The following FHOD3 variants were observed in gnomAD, a reference collection of about 807,000 sequenced individuals.
The protein encoded by FHOD3 is FH1/FH2 domain-containing protein 3.
FHOD3 carries 90 observed loss-of-function variants against 173.0 expected under a neutral mutation model. The observed-to-expected ratio is 0.52, with a 90% CI of 0.44 to 0.62. The LOEUF (loss-of-function observed/expected upper bound fraction) is 0.62, where lower values mean the gene tolerates loss of function less well. Among genes scored for constraint, FHOD3 ranks in the 20% least tolerant of loss-of-function variants. The probability of loss-of-function intolerance (pLI) is 0.00; values close to 1 mark genes in which losing one functional copy is unlikely to be tolerated. For synonymous variants in FHOD3, 828 were observed against 823.0 expected (o/e 1.01, Z -0.10); for missense variants, 1,945 against 2,034.7 (o/e 0.96, Z 0.85).
At chr18:36,365,223 T>G (rs1036633429) in intron 2 of FHOD3, among the ~76,000 whole-genome samples, 1 of 152,152 alleles carries the variant, frequency 6.6e-6, no homozygotes, top group African/African-American at 2.4e-5. Flanking sequence ...TTCCATGTCT[T>G]AGATATGACA....
chr18:36,595,381 C>T (rs559620026), intron 7 of FHOD3, among the ~76,000 whole-genome samples: 1 of 152,302 alleles, frequency 6.6e-6, no homozygotes, highest in East Asian at 1.9e-4. Flanking sequence ...AGTTCGGTCA[C>T]ATCCAAAACC....
At chr18:36,490,987 A>G (rs760006923) in intron 3 of FHOD3, among the ~76,000 whole-genome samples, 17 of 152,216 alleles carry the variant, frequency 1.1e-4, no homozygotes, top group Non-Finnish European at 2.5e-4. Context: ...ACACTTGCCC[A>G]TCAGCATGAA....
chr18:36,544,145 T>C (rs1288279313), intron 5 of FHOD3, among the ~76,000 whole-genome samples: 4 of 152,142 alleles, frequency 2.6e-5, no homozygotes, highest in Non-Finnish European at 4.4e-5. Context: ...AGTATCATCA[T>C]TGAATATTAG....
chr18:36,299,920 G>T (rs1444692317), intron 1 of FHOD3, among the ~76,000 whole-genome samples: 2 of 152,190 alleles, frequency 1.3e-5, no homozygotes, highest in South Asian at 2.1e-4. Flanking sequence ...ATTGATGAGG[G>T]TTCTGTAAAG....
chr18:36,725,556 C>T (rs768679902), intron 19 of FHOD3, among the ~76,000 whole-genome samples: 5 of 152,158 alleles, frequency 3.3e-5, no homozygotes, highest in Non-Finnish European at 5.9e-5. Context: ...TGTCTTGAGA[C>T]TCCAGGCAGC....
chr18:36,518,021 G>T (rs1291777978), intron 5 of FHOD3, among the ~76,000 whole-genome samples: 1 of 152,172 alleles, frequency 6.6e-6, no homozygotes, highest in African/African-American at 2.4e-5. Context: ...TATGATGTTA[G>T]AAGGCAGTGG....
intron 5 of FHOD3, among the ~76,000 whole-genome samples, chr18:36,567,262 A>G (rs967279008): frequency 2.0e-5 from 3 of 152,232 alleles, no homozygotes; most frequent in African/African-American, 7.2e-5. Flanking sequence ...TTAAAAAGGA[A>G]GGGAAGAAGA....
intron 27 of FHOD3, among the ~76,000 whole-genome samples, chr18:36,768,566 GTGA>G (rs2043239045): frequency 6.6e-6 from 1 of 152,102 alleles, no homozygotes; most frequent in South Asian, 2.1e-4. Flanking sequence ...CCATGTTTTG[GTGA>G]TGCTTTCTTC....
At chr18:36,749,433 G>A (rs535811068) in intron 24 of FHOD3, among the ~76,000 whole-genome samples, 106 of 152,230 alleles carry the variant, frequency 7.0e-4, no homozygotes, top group African/African-American at 2.5e-3. Flanking sequence ...TGTGATATTT[G>A]GTTTTCTGTT....
intron 3 of FHOD3, among the ~76,000 whole-genome samples, chr18:36,440,984 G>A (rs1445829369): frequency 6.6e-6 from 1 of 152,100 alleles, no homozygotes; most frequent in Non-Finnish European, 1.5e-5. Context: ...AGGGCACCCA[G>A]TTACATGGTC....
Position 36,522,354 on chromosome 18 carries a change from C to T in FHOD3, c.511+9811C>T, listed in dbSNP as rs555715139. Among the ~76,000 whole-genome samples the T allele has an allele frequency of 3.3e-5, 5 of 152,358 alleles. No homozygotes were observed. The South Asian group carries it at 8.3e-4, about 25-fold the overall frequency. ...TATTTGAAGCTTTAGTCCACCTGCT[C>T]TTGTTTCTGAAGCAGTATAGCACAA... On this transcript the variant is annotated intron_variant, in intron 5 of 28. Coordinates refer to ENST00000590592, the MANE Select transcript of FHOD3 (RefSeq NM_001281740.3).
At chr18:36,437,452 T>C (rs555608619) in intron 3 of FHOD3, among the ~76,000 whole-genome samples, 14 of 152,346 alleles carry the variant, frequency 9.2e-5, no homozygotes, top group African/African-American at 2.4e-4. Context: ...CTGCAAGTTA[T>C]ATATTTTCAG....
At chr18:36,336,727 T>TA (rs2045331572) in intron 1 of FHOD3, among the ~76,000 whole-genome samples, 1 of 149,674 alleles carries the variant, frequency 6.7e-6, no homozygotes, top group South Asian at 2.1e-4. Flanking sequence ...CATGCACCTG[T>TA]AATCCCAGCT....
At chr18:36,545,527 A>G (rs1183012806) in intron 5 of FHOD3, among the ~76,000 whole-genome samples, 6 of 152,232 alleles carry the variant, frequency 3.9e-5, no homozygotes, top group African/African-American at 1.2e-4. Context: ...AATCGTCAGG[A>G]ACACTGTTGA....
At chr18:36,562,554 A>G (rs1035682430) in intron 5 of FHOD3, among the ~76,000 whole-genome samples, 2 of 152,202 alleles carry the variant, frequency 1.3e-5, no homozygotes, top group Non-Finnish European at 2.9e-5. Flanking sequence ...ATTTCCAGCC[A>G]TTTGGAGCCT....
intron 15 of FHOD3, among the ~76,000 whole-genome samples, chr18:36,685,085 A>G (rs1220462815): frequency 6.6e-6 from 1 of 152,216 alleles, no homozygotes; most frequent in Non-Finnish European, 1.5e-5. Flanking sequence ...ACTTATAGGC[A>G]TGAGCCATTG....
chr18:36,357,771 C>G (rs532424352), intron 2 of FHOD3, among the ~76,000 whole-genome samples: 1 of 152,240 alleles, frequency 6.6e-6, no homozygotes, highest in African/African-American at 2.4e-5. Context: ...GCTCATTGAT[C>G]AAACAGACCC....
At chr18:36,546,639 T>C (rs907827682) in intron 5 of FHOD3, among the ~76,000 whole-genome samples, 11 of 152,180 alleles carry the variant, frequency 7.2e-5, no homozygotes, top group Non-Finnish European at 2.9e-5. Flanking sequence ...CAGGTTTGTC[T>C]GTCGCAAGAT....
intron 3 of FHOD3, among the ~76,000 whole-genome samples, chr18:36,486,894 G>A (rs1251612367): frequency 6.6e-6 from 1 of 152,148 alleles, no homozygotes; most frequent in East Asian, 1.9e-4. Flanking sequence ...TTATGTGAAT[G>A]GAATCATACA....
Sources: allele counts gnomAD v4.1 joint callset (sites outside exome capture counted in the v4.1 genomes callset), GRCh38; gene constraint gnomAD v4.1.1; transcripts MANE v1.5; gene names NCBI Gene and HGNC (gene_info 2026-07-23, HGNC 2026-07-21).